Variants in WDR7 observed in about 807,000 individuals in gnomAD.
WDR7 encodes WD repeat domain 7.
A neutral mutation model predicts 169.4 loss-of-function variants in WDR7; 46 were observed. That is an observed-to-expected ratio of 0.27 (90% CI 0.21 to 0.35). The LOEUF is 0.35. Ranked by LOEUF, WDR7 falls within the 10% of genes least tolerant of loss-of-function variation. WDR7 has a pLI of 1.00. For synonymous variants in WDR7, 612 were observed against 666.8 expected, an observed-to-expected ratio of 0.92 and a Z score of 1.27; for missense variants, 1,534 against 1,859.3, an observed-to-expected ratio of 0.83 and a Z score of 3.22.
chr18:56,804,020 A>C (rs960953237), intron 19 of WDR7, among the ~76,000 whole-genome samples: 2 of 152,102 alleles, frequency 1.3e-5, no homozygotes, highest in African/African-American at 4.8e-5. Context: ...CAGGACTCGA[A>C]CTCCTGGCTG....
At chr18:56,968,112 CAA>C (rs1219787220) in intron 26 of WDR7, among the ~76,000 whole-genome samples, 5 of 122,172 alleles carry the variant, frequency 4.1e-5, no homozygotes, top group African/African-American at 9.0e-5. Context: ...GAAGGGCTAC[CAA>C]AAAAAAAAAA....
chr18:56,902,268 A>G (rs2046413873), intron 21 of WDR7, among the ~76,000 whole-genome samples: 2 of 152,206 alleles, frequency 1.3e-5, no homozygotes, highest in African/African-American at 4.8e-5. Flanking sequence ...GCAGTGTGTC[A>G]TTCAAGCTGT....
intron 21 of WDR7, among the ~76,000 whole-genome samples, chr18:56,918,545 C>G (rs138557025): frequency 0.014 from 2,135 of 152,104 alleles, 31 homozygotes; most frequent in East Asian, 0.037. Flanking sequence ...GAGAATACCA[C>G]TCTATTAAAA....
At chr18:56,944,146 G>A (rs919586398) in intron 25 of WDR7, among the ~76,000 whole-genome samples, 1 of 151,710 alleles carries the variant, frequency 6.6e-6, no homozygotes, top group African/African-American at 2.4e-5. Flanking sequence ...GAGCCACCAC[G>A]CCCAGCTCAT....
At chr18:56,680,907 T>C (rs1019943261) in intron 3 of WDR7, among the ~76,000 whole-genome samples, 5 of 152,222 alleles carry the variant, frequency 3.3e-5, no homozygotes, top group African/African-American at 1.2e-4. Context: ...CATGTGTCAC[T>C]TGAGGCCTCT....
chr18:57,033,232 G>A (rs1440602827), downstream of WDR7: 1 of 152,108 alleles, frequency 6.6e-6, no homozygotes, highest in African/African-American at 2.4e-5. Flanking sequence ...CGATTCTGAT[G>A]AGGTGGTATT....
chr18:56,969,315 A>G (rs1466839661), intron 26 of WDR7, among the ~76,000 whole-genome samples: 1 of 152,218 alleles, frequency 6.6e-6, no homozygotes, highest in Non-Finnish European at 1.5e-5. Context: ...CTCTCTGCTG[A>G]CAGCCTAAAT....
intron 21 of WDR7, among the ~76,000 whole-genome samples, chr18:56,887,056 T>G (rs760088779): frequency 1.3e-5 from 2 of 152,162 alleles, no homozygotes; most frequent in African/African-American, 2.4e-5. Flanking sequence ...CTGTGATAAT[T>G]TTATTTGAAA....
chr18:56,652,795 C>G lies in WDR7; in HGVS notation c.-20+1219C>G, dbSNP rs953148734. Reference sequence around the variant, plus strand: ...AATGAGAGTATGCCCTTTATTTTTTCTTATTGCCACCTGTAACTAAATTTT... The same window carrying G: ...AATGAGAGTATGCCCTTTATTTTTTGTTATTGCCACCTGTAACTAAATTTT... On this transcript the variant is annotated intron_variant, in intron 1 of 27. Coordinates refer to ENST00000254442, the MANE Select transcript of WDR7 (RefSeq NM_015285.3). 9.2e-5 allele frequency among the ~76,000 whole-genome samples: 14 copies of G among 151,784 alleles called. No individual in the cohort carries two copies. In the East Asian group the frequency reaches 2.5e-3, roughly 27 times the overall value.
intron 26 of WDR7, among the ~76,000 whole-genome samples, chr18:57,020,130 C>T (rs772115330): frequency 3.9e-5 from 6 of 152,168 alleles, no homozygotes; most frequent in Non-Finnish European, 7.4e-5. Flanking sequence ...TCAAAACTAT[C>T]CCTGTTAACT....
At chr18:56,683,259 G>C (rs571371830) in intron 5 of WDR7, among the ~76,000 whole-genome samples, 1 of 152,264 alleles carries the variant, frequency 6.6e-6, no homozygotes, top group East Asian at 1.9e-4. Flanking sequence ...CAGTGAAAAA[G>C]GAGAGATTAT....
chr18:56,908,056 T>C (rs536751843), intron 21 of WDR7, among the ~76,000 whole-genome samples: 5 of 152,172 alleles, frequency 3.3e-5, no homozygotes, highest in Non-Finnish European at 5.9e-5. Flanking sequence ...TCTATAAACA[T>C]GCATTTAAGC....
chr18:56,769,582 T>G (rs1202655578), intron 16 of WDR7, among the ~76,000 whole-genome samples: 1 of 152,206 alleles, frequency 6.6e-6, no homozygotes, highest in Non-Finnish European at 1.5e-5. Context: ...AGTGCTTATC[T>G]TGATTGTGAC....
At chr18:56,789,189 CG>C (rs2044447379) in intron 19 of WDR7, among the ~76,000 whole-genome samples, 1 of 152,150 alleles carries the variant, frequency 6.6e-6, no homozygotes, top group South Asian at 2.1e-4. Flanking sequence ...AAGGGAAATT[CG>C]TTCCATGTGA....
chr18:56,761,150 T>C (rs2043975086), intron 16 of WDR7, among the ~76,000 whole-genome samples: 1 of 152,168 alleles, frequency 6.6e-6, no homozygotes. Flanking sequence ...AGTGGGACTA[T>C]AGGTGCACAC....
At chr18:56,929,108 C>T (rs1050157334) in intron 22 of WDR7, among the ~76,000 whole-genome samples, 2 of 151,934 alleles carry the variant, frequency 1.3e-5, no homozygotes, top group African/African-American at 2.4e-5. Flanking sequence ...ATAGTGAGAA[C>T]CTGTCTCTAC....
chr18:56,857,434 T>C (rs947729038), intron 20 of WDR7, among the ~76,000 whole-genome samples: 11 of 151,954 alleles, frequency 7.2e-5, no homozygotes, highest in African/African-American at 2.7e-4. Flanking sequence ...AATTTTTGTA[T>C]TTTTTGTAGA....
rs991559562 is a variant in WDR7 at position 56,758,809 on chromosome 18, T to C, written c.2760-56T>C. 5.8e-6 allele frequency: 8 copies of C among 1,375,306 alleles called. No individual in the cohort carries two copies. In the Admixed American group the frequency reaches 8.3e-5, roughly 14 times the overall value. The allele number at this position is 1,375,306 out of a possible 1,614,324, so 85.2% of individuals were successfully genotyped here. On this transcript the variant is annotated intron_variant, in intron 15 of 27. Coordinates refer to ENST00000254442, the MANE Select transcript of WDR7 (RefSeq NM_015285.3). ...GTAGAAAATTTTTTATTTTAAATAGTTCTGGAAATATGACAGTATCAAAAT... is the reference window on the plus strand; with the variant it reads ...GTAGAAAATTTTTTATTTTAAATAGCTCTGGAAATATGACAGTATCAAAAT...
At chr18:56,718,533 G>C (rs2026244995) in intron 13 of WDR7, among the ~76,000 whole-genome samples, 1 of 152,164 alleles carries the variant, frequency 6.6e-6, no homozygotes, top group Non-Finnish European at 1.5e-5. Context: ...GAAAAGCAAT[G>C]CTGGGCAGTT....
Sources: gnomAD v4.1 joint callset for allele counts (sites outside exome capture counted in the v4.1 genomes callset) on GRCh38, gnomAD v4.1.1 for gene constraint, MANE v1.5 for transcripts, NCBI Gene and HGNC (gene_info 2026-07-23, HGNC 2026-07-21) for gene names.